ERP44: variants seen among roughly 807,000 people sequenced by gnomAD.
The protein encoded by ERP44 is endoplasmic reticulum resident protein 44.
Under a neutral mutation model 53.4 loss-of-function variants are expected in ERP44, and 25 were observed. That is an observed-to-expected ratio of 0.47 (90% CI 0.34 to 0.65). The LOEUF (loss-of-function observed/expected upper bound fraction) is 0.65. Among genes scored for constraint, ERP44 ranks in the 30% least tolerant of loss-of-function variants. The pLI, the probability that ERP44 is intolerant of heterozygous loss-of-function variation, is 0.01. For synonymous variants in ERP44, 145 were observed against 161.2 expected (o/e 0.90, Z 0.76); for missense variants, 338 against 493.2 (o/e 0.69, Z 2.98).
At chr9:100,045,163 A>T (rs2118695722) in intron 4 of ERP44, among the ~76,000 whole-genome samples, 1 of 152,174 alleles carries the variant, frequency 6.6e-6, no homozygotes, top group South Asian at 2.1e-4. Context: ...GCTCTCTCCT[A>T]CCTCAGAAAC....
At chr9:100,002,783 T>G (rs949563795) in intron 10 of ERP44, among the ~76,000 whole-genome samples, 1 of 152,172 alleles carries the variant, frequency 6.6e-6, no homozygotes, top group Admixed American at 6.5e-5. Context: ...TTCAACAGTT[T>G]ATGTGTTGGC....
rs1478059247 is a variant in ERP44 at position 100,052,416 on chromosome 9, C to G, written c.286+1G>C. The G allele has an allele frequency of 6.3e-7, 1 of 1,577,446 alleles. No homozygotes were observed. Among genetic ancestry groups the G allele is most frequent in the Non-Finnish European group, 8.7e-7 (1 of 1,149,096 alleles). ...TCTAGACTTCCTATTGAGGTACTTA[C>G]AGTGCTGATCACAATCAACTCTGGC... On this transcript the variant is annotated splice_donor_variant, in intron 4 of 11. Transcript: ENST00000262455. LOFTEE classifies it high-confidence loss of function.
rs558517880 is a variant in ERP44, at chr9:99,980,691, T to C, written c.*1921A>G. ...TTCTAGGCACTAGTGATACAGACAT[T>C]AAATTTAGTTTCCTTGTCCTCAGTG... On this transcript the variant is annotated 3_prime_UTR_variant, in exon 12 of 12. Coordinates refer to ENST00000262455, the MANE Select transcript of ERP44 (RefSeq NM_015051.3). 6.6e-6 allele frequency: 1 copy of C among 152,270 alleles called. No individual in the cohort carries two copies. Among genetic ancestry groups the C allele is most frequent in the East Asian group, 1.9e-4 (1 of 5,180 alleles). 9.4% of individuals were successfully genotyped at this position (152,270 alleles called of 1,614,324 possible).
At chr9:100,036,365 C>G (rs564220134) in intron 4 of ERP44, among the ~76,000 whole-genome samples, 17 of 152,268 alleles carry the variant, frequency 1.1e-4, no homozygotes, top group Admixed American at 3.3e-4. Context: ...CAGCTGGAGG[C>G]CATTATCCTA....
At position 100,053,927 on chromosome 9, in the gene ERP44, C is replaced by T. The variant is rs1587975845; in HGVS notation, c.171-1395G>A. 5.9e-5 allele frequency among the ~76,000 whole-genome samples: 9 copies of T among 152,140 alleles called. No individual in the cohort carries two copies. The South Asian group carries it at 1.9e-3, about 32-fold the overall frequency. ...TTAATCCACATGTAATTAGTTCATA[C>T]ATATTAGCTTTAATACAATAAAAAT... is the stretch of plus-strand genomic sequence containing the variant. On this transcript the variant is annotated intron_variant, in intron 3 of 11. Transcript: ENST00000262455.
At chr9:99,996,772 C>T (rs1337250869) in intron 10 of ERP44, among the ~76,000 whole-genome samples, 4 of 152,166 alleles carry the variant, frequency 2.6e-5, no homozygotes, top group Non-Finnish European at 5.9e-5. Flanking sequence ...TCAGTAAGAA[C>T]ATACAATGTT....
At chr9:100,026,872 A>G (rs576910176) in intron 4 of ERP44, among the ~76,000 whole-genome samples, 19 of 152,322 alleles carry the variant, frequency 1.2e-4, no homozygotes, top group African/African-American at 4.6e-4. Context: ...AGTCTAATAC[A>G]AAACATATAT....
chr9:100,005,776 T>C (rs1273157572), intron 10 of ERP44, among the ~76,000 whole-genome samples: 1 of 152,228 alleles, frequency 6.6e-6, no homozygotes, highest in Non-Finnish European at 1.5e-5. Flanking sequence ...AATCATCCTC[T>C]GTGTAATTTA....
At chr9:100,067,744 A>G (rs1442920194) in intron 1 of ERP44, among the ~76,000 whole-genome samples, 1 of 150,832 alleles carries the variant, frequency 6.6e-6, no homozygotes, top group Non-Finnish European at 1.5e-5. Context: ...CTAGGAAGTG[A>G]GGAGCGCCTC....
At chr9:100,093,262 T>C (rs1365699785) in intron 1 of ERP44, among the ~76,000 whole-genome samples, 1 of 152,018 alleles carries the variant, frequency 6.6e-6, no homozygotes, top group Non-Finnish European at 1.5e-5. Flanking sequence ...ATCAGACATA[T>C]GACTGAATTC....
chr9:100,082,500 T>C (rs1469001461), intron 1 of ERP44, among the ~76,000 whole-genome samples: 1 of 151,976 alleles, frequency 6.6e-6, no homozygotes, highest in Non-Finnish European at 1.5e-5. Flanking sequence ...GGCACTTCAA[T>C]AAACTGGTTT....
intron 11 of ERP44, among the ~76,000 whole-genome samples, chr9:99,984,050 T>A (rs905930475): frequency 2.6e-5 from 4 of 152,174 alleles, no homozygotes; most frequent in Non-Finnish European, 5.9e-5. Flanking sequence ...GCCAACAAGT[T>A]TGCCTCCTAT....
chr9:100,017,611 A>G (rs1291301248), intron 7 of ERP44, among the ~76,000 whole-genome samples: 1 of 152,264 alleles, frequency 6.6e-6, no homozygotes, highest in Non-Finnish European at 1.5e-5. Flanking sequence ...GTGTCAAAAC[A>G]CTGTAAACAA....
At chr9:100,000,767 C>T (rs1372663138) in intron 10 of ERP44, among the ~76,000 whole-genome samples, 1 of 152,004 alleles carries the variant, frequency 6.6e-6, no homozygotes, top group African/African-American at 2.4e-5. Context: ...TTAATTCTAG[C>T]TAAAAGTTTT....
chr9:99,999,101 G>GT (rs1830348529), intron 10 of ERP44: 2 of 665,782 alleles, frequency 3.0e-6, no homozygotes, highest in African/African-American at 1.8e-5. Context: ...CCACAGCGGC[G>GT]GGGCGTGGAC....
intron 1 of ERP44, among the ~76,000 whole-genome samples, chr9:100,068,920 G>A (rs1826268182): frequency 6.6e-6 from 1 of 152,204 alleles, no homozygotes; most frequent in South Asian, 2.1e-4. Context: ...GTAGACATGG[G>A]AGTCTTTTCA....
At chr9:100,025,177 T>G (rs1232367787) in intron 4 of ERP44, among the ~76,000 whole-genome samples, 2 of 152,140 alleles carry the variant, frequency 1.3e-5, no homozygotes, top group African/African-American at 4.8e-5. Context: ...CCACACATCT[T>G]CACCAGTAAA....
At chr9:100,053,677 G>A (rs1176759234) in intron 3 of ERP44, among the ~76,000 whole-genome samples, 1 of 152,114 alleles carries the variant, frequency 6.6e-6, no homozygotes, top group Non-Finnish European at 1.5e-5. Flanking sequence ...TATTATATAT[G>A]GGACTTCTGT....
intron 10 of ERP44, among the ~76,000 whole-genome samples, chr9:99,998,018 C>T (rs369653828): frequency 6.6e-6 from 1 of 152,178 alleles, no homozygotes; most frequent in Non-Finnish European, 1.5e-5. Flanking sequence ...CTATTTTACA[C>T]ACATTTTTCT....
Sources: allele counts gnomAD v4.1 joint callset (sites outside exome capture counted in the v4.1 genomes callset), GRCh38; gene constraint gnomAD v4.1.1; transcripts MANE v1.5; gene names NCBI Gene and HGNC (gene_info 2026-07-23, HGNC 2026-07-21).